The following RUNDC1 variants were observed in gnomAD, a reference collection of about 807,000 sequenced individuals.
The protein encoded by RUNDC1 is RUN domain containing 1, also known as RUN domain-containing protein 1.
A neutral mutation model predicts 49.3 loss-of-function variants in RUNDC1; 31 were observed. The ratio of observed to expected loss-of-function variants is 0.63; its 90% confidence interval spans 0.47 to 0.85. The LOEUF is 0.85. Ranked by LOEUF, RUNDC1 falls within the 40% of genes least tolerant of loss-of-function variation. The probability of loss-of-function intolerance (pLI) is 0.00; values close to 1 mark genes in which losing one functional copy is unlikely to be tolerated. For missense variants in RUNDC1, 715 were observed against 806.7 expected, an observed-to-expected ratio of 0.89 and a Z score of 1.38; for synonymous variants, 347 against 348.6, an observed-to-expected ratio of 1.00 and a Z score of 0.05.
Position 42,980,865 on chromosome 17 carries a change from C to G in RUNDC1, c.289C>G (p.Leu97Val). The G allele has an allele frequency of 1.4e-6, 2 of 1,464,214 alleles. No homozygotes were observed. The highest frequency in any genetic ancestry group is 1.3e-5 in the South Asian group (1 of 75,780). 90.7% of individuals were successfully genotyped at this position (1,464,214 alleles called of 1,614,324 possible). Residue 97 changes from leucine to valine, a missense_variant, in exon 1 of 5, where the codon CTG becomes GTG. Physicochemically the swap from Leu to Val is conservative, Grantham distance 32 (BLOSUM62 1). Coordinates refer to ENST00000361677, the MANE Select transcript of RUNDC1 (RefSeq NM_173079.5). ...RRRLDSALLA[L>V]SSHFAQVQFR... Reference sequence around the variant, plus strand: ...GCGGCTGGACTCGGCGCTGCTGGCGCTGTCCTCGCACTTCGCGCAGGTGCA... The same window carrying G: ...GCGGCTGGACTCGGCGCTGCTGGCGGTGTCCTCGCACTTCGCGCAGGTGCA...
At chr17:42,982,540 A>C (rs150110525) in intron 1 of RUNDC1, among the ~76,000 whole-genome samples, 1 of 152,228 alleles carries the variant, frequency 6.6e-6, no homozygotes, top group Non-Finnish European at 1.5e-5. Flanking sequence ...GTTCTACATG[A>C]TAGGAAACTC....
At position 42,991,429 on chromosome 17, in the gene RUNDC1, G is replaced by A. The variant is rs773027462; in HGVS notation, c.1555G>A (p.Ala519Thr). 13 of 1,614,118 alleles carry A rather than the reference G, an allele frequency of 8.1e-6. No individual in the cohort carries two copies. In the South Asian group the frequency reaches 1.3e-4, roughly 16 times the overall value. ...CACCCCCAAACAGAGCCTACTGACA[G>A]CCATCCACATGGTGCTGACAGAGCA... ...VVTPKQSLLT[A>T]IHMVLTEHDP... Residue 519 changes from alanine to threonine, a missense_variant, in exon 5 of 5, where the codon GCC (alanine) becomes ACC (threonine). Ala to Thr is a moderately conservative substitution (Grantham distance 58). Coordinates refer to ENST00000361677, the MANE Select transcript of RUNDC1 (RefSeq NM_173079.5).
At chr17:42,985,922 G>A (rs323504) in intron 1 of RUNDC1, among the ~76,000 whole-genome samples, 142,228 of 152,138 alleles carry the variant, frequency 0.93, 67,233 homozygotes, top group East Asian at 1. Flanking sequence ...TTTTAAAAAC[G>A]TTGTTACCTT....
In RUNDC1 at chr17:42,980,988, C is replaced by T. The variant is rs552222; in HGVS notation, c.412C>T (p.Leu138=). The change falls in exon 1 of 5, where the codon CTA becomes TTA. Residue 138 remains leucine, a synonymous_variant. Transcript: ENST00000361677. ...DFAFRGCPHV[L]GYEGPGDPAS... ...CGCCTTCCGCGGCTGCCCTCACGTC[C>T]TAGGTTACGAAGGGCCCGGCGACCC... is the stretch of plus-strand genomic sequence containing the variant. 13 of 1,546,090 alleles carry T rather than the reference C, an allele frequency of 8.4e-6. No individual in the cohort carries two copies. The East Asian group carries it at 2.7e-4, about 32-fold the overall frequency.
chr17:42,994,358 T>A lies in RUNDC1; in HGVS notation c.*2642T>A, dbSNP rs2050282041. On this transcript the variant is annotated 3_prime_UTR_variant, in exon 5 of 5. Coordinates refer to ENST00000361677, the MANE Select transcript of RUNDC1 (RefSeq NM_173079.5). ...AATTAAATTCTCACTACTTACAAAG[T>A]GGGACAGTATTATCCCCACTTTACA... 6.6e-6 allele frequency among the ~76,000 whole-genome samples: 1 copy of A among 152,226 alleles called. No individual in the cohort carries two copies. The highest frequency in any genetic ancestry group is 6.5e-5 in the Admixed American group (1 of 15,274).
rs1461038593 is a variant in RUNDC1 at position 42,980,679 on chromosome 17, T to C, written c.103T>C (p.Cys35Arg). Residue 35 changes from cysteine to arginine, a missense_variant, in exon 1 of 5, where the codon TGC (cysteine) becomes CGC (arginine). Physicochemically the swap from Cys to Arg is radical, Grantham distance 180. Around this residue, in one of 5 missense-constraint regions of RUNDC1, gnomAD observed 153 missense variants for 139.4 expected, o/e 1.10. Coordinates refer to ENST00000361677, the MANE Select transcript of RUNDC1 (RefSeq NM_173079.5). ...EEEEEEPLPPCEAVRWAPVGA... is the reference protein window; with the variant it reads ...EEEEEEPLPPREAVRWAPVGA... ...GGAGGAAGAGGAGCCGCTGCCACCGTGCGAGGCGGTGCGCTGGGCCCCAGT... is the reference window on the plus strand; with the variant it reads ...GGAGGAAGAGGAGCCGCTGCCACCGCGCGAGGCGGTGCGCTGGGCCCCAGT... 6.4e-6 allele frequency: 10 copies of C among 1,573,420 alleles called. No homozygotes were observed. Among genetic ancestry groups the C allele is most frequent in the Non-Finnish European group, 8.6e-7 (1 of 1,162,794 alleles).
intron 1 of RUNDC1, chr17:42,985,634 ATT>A: frequency 9.5e-6 from 5 of 524,088 alleles, no homozygotes; most frequent in Non-Finnish European, 1.2e-5. Context: ...CTTCTCTCTC[ATT>A]ACTTACTTCT....
intron 1 of RUNDC1, among the ~76,000 whole-genome samples, chr17:42,982,819 CA>C (rs59693674): frequency 0.92 from 109,454 of 118,660 alleles, 50,781 homozygotes; most frequent in East Asian, 0.99. Context: ...ACTAAAAATA[CA>C]AAAAAAAAAA....
chr17:42,985,621 T>TAAA, intron 1 of RUNDC1: 3 of 242,050 alleles, frequency 1.2e-5, no homozygotes, highest in Non-Finnish European at 1.6e-5. Flanking sequence ...TTTTTTTTCA[T>TAAA]TTCTTCTCTC....
At chr17:42,983,511 G>C (rs1228088621) in intron 1 of RUNDC1, among the ~76,000 whole-genome samples, 1 of 151,434 alleles carries the variant, frequency 6.6e-6, no homozygotes, top group East Asian at 1.9e-4. Context: ...GAGTAACTGG[G>C]ACCACAGGCG....
Position 42,991,684 on chromosome 17 carries a change from C to T in RUNDC1, c.1810C>T (p.Arg604Cys), listed in dbSNP as rs749602274. The T allele has an allele frequency of 1.1e-5, 17 of 1,613,202 alleles. No individual in the cohort carries two copies. Among genetic ancestry groups the T allele is most frequent in the Admixed American group, 1.0e-4 (6 of 59,948 alleles). ...KFSLPVDLAVRQLKNIKDAF is the reference protein window; with the variant it reads ...KFSLPVDLAVCQLKNIKDAF The stretch of plus-strand genomic sequence containing the variant: ...TAGCCTCCCTGTAGATCTGGCTGTG[C>T]GCCAGCTCAAAAACATCAAAGATGC... The change falls in exon 5 of 5, where the codon CGC (arginine) becomes TGC (cysteine). Residue 604 changes from arginine to cysteine, a missense_variant. Physicochemically the swap from Arg to Cys is radical, Grantham distance 180. Around this residue, in one of 5 missense-constraint regions of RUNDC1, gnomAD observed 425 missense variants for 499.7 expected, o/e 0.85. Transcript: ENST00000361677.
rs1267088330 is a variant in RUNDC1, at chr17:42,991,802, T to C, written c.*86T>C. 2.1e-6 allele frequency: 3 copies of C among 1,444,992 alleles called. No individual in the cohort carries two copies. Among genetic ancestry groups the C allele is most frequent in the Admixed American group, 4.2e-5 (2 of 47,072 alleles). 89.5% of individuals were successfully genotyped at this position (1,444,992 alleles called of 1,614,324 possible). On this transcript the variant is annotated 3_prime_UTR_variant, in exon 5 of 5. Transcript: ENST00000361677. ...TAGCATAGGAGCAAGGAATCAGAGGTGGGGTTAAAGGCATTTTTCCCAGAC... is the reference window on the plus strand; with the variant it reads ...TAGCATAGGAGCAAGGAATCAGAGGCGGGGTTAAAGGCATTTTTCCCAGAC...
chr17:42,987,498 C>A, intron 2 of RUNDC1, 84 bp downstream of exon 2: 1 of 1,363,308 alleles, frequency 7.3e-7, no homozygotes, highest in Non-Finnish European at 1.0e-6. Flanking sequence ...TCTCTCAGCT[C>A]AGTTCTCCTT....
In RUNDC1 at chr17:42,980,731, G is replaced by A. The variant is rs750745524; in HGVS notation, c.155G>A (p.Gly52Glu). 1 of 1,531,772 alleles carries A rather than the reference G, an allele frequency of 6.5e-7. No homozygotes were observed. Among genetic ancestry groups the A allele is most frequent in the Non-Finnish European group, 8.7e-7 (1 of 1,143,002 alleles). 94.9% of individuals were successfully genotyped at this position (1,531,772 alleles called of 1,614,324 possible). Residue 52 changes from glycine to glutamate, a missense_variant, in exon 1 of 5, where the codon GGG (glycine) becomes GAG (glutamate). Around this residue, in one of 5 missense-constraint regions of RUNDC1, gnomAD observed 153 missense variants for 139.4 expected, o/e 1.10. Transcript: ENST00000361677. ...GGGGCGGTGGCGGAGGCCCGGCCTG[G>A]GGCAACCGCGTTTTTAGAAGAGGCG... Reference protein sequence around the residue: ...PVGAVAEARPGATAFLEEATA... With the variant: ...PVGAVAEARPEATAFLEEATA...
chr17:42,990,451 C>T lies in RUNDC1; in HGVS notation c.976+15C>T. 1 of 1,612,980 alleles carries T rather than the reference C, an allele frequency of 6.2e-7. No individual in the cohort carries two copies. The highest frequency in any genetic ancestry group is 8.5e-7 in the Non-Finnish European group (1 of 1,179,618). ...AAACAGCAAAAGTAAGTGCAGTTTC[C>T]AGAACAGGCAAATCTCTAGAGACAG... On this transcript the variant is annotated intron_variant, in intron 4 of 4. Coordinates refer to ENST00000361677, the MANE Select transcript of RUNDC1 (RefSeq NM_173079.5).
Position 42,993,917 on chromosome 17 carries a change from T to G in RUNDC1, c.*2201T>G, listed in dbSNP as rs2151962738. 6.6e-6 allele frequency among the ~76,000 whole-genome samples: 1 copy of G among 152,274 alleles called. No homozygotes were observed. The highest frequency in any genetic ancestry group is 2.1e-4 in the South Asian group (1 of 4,830). On this transcript the variant is annotated 3_prime_UTR_variant, in exon 5 of 5. Transcript: ENST00000361677. ...CTCTGTTGTCCAGGCTGGAGTGCAA[T>G]GGCGTGATCTCAGCTCACTGCAACC...
chr17:42,987,177 T>C (rs563252014), intron 1 of RUNDC1, 79 bp from the exon 2 acceptor site: 2 of 1,029,910 alleles, frequency 1.9e-6, no homozygotes, highest in Middle Eastern at 2.2e-4. Flanking sequence ...TATTGGTCAT[T>C]ACTGGCTCGA....
intron 1 of RUNDC1, among the ~76,000 whole-genome samples, chr17:42,983,593 G>A (rs1300375600): frequency 6.6e-6 from 1 of 150,844 alleles, no homozygotes; most frequent in Non-Finnish European, 1.5e-5. Context: ...GGCTGGTCTT[G>A]AACTCCTGGG....
Position 42,991,564 on chromosome 17 carries a change from C to T in RUNDC1, c.1690C>T (p.Leu564Phe). The T allele has an allele frequency of 6.2e-7, 1 of 1,614,202 alleles. No individual in the cohort carries two copies. Residue 564 changes from leucine (L) to phenylalanine (F), a missense_variant, in exon 5 of 5, where the codon CTC (leucine) becomes TTC (phenylalanine). Coordinates refer to ENST00000361677, the MANE Select transcript of RUNDC1 (RefSeq NM_173079.5). Reference protein sequence around the residue: ...WVNLICKSGSLIEPHYQPWSY... With the variant: ...WVNLICKSGSFIEPHYQPWSY... ...GAACCTCATCTGCAAGTCCGGGTCA[C>T]TCATCGAGCCTCACTACCAGCCCTG...
Sources: allele counts gnomAD v4.1 joint callset (sites outside exome capture counted in the v4.1 genomes callset), GRCh38; gene constraint gnomAD v4.1.1; regional missense constraint gnomAD v4.1.1; transcripts MANE v1.5; gene names NCBI Gene and HGNC (gene_info 2026-07-23, HGNC 2026-07-21).